The following DEAF1 variants were observed in gnomAD, a reference collection of about 807,000 sequenced individuals.
DEAF1 encodes the protein DEAF1 transcription factor, also known as deformed epidermal autoregulatory factor 1 homolog.
In DEAF1, 53 loss-of-function variants were observed where a neutral mutation model predicts 58.9. The ratio of observed to expected loss-of-function variants is 0.90; its 90% CI spans 0.72 to 1.13. The LOEUF (loss-of-function observed/expected upper bound fraction) is 1.13. DEAF1 is among the 50% of genes most tolerant of loss of function. The probability of loss-of-function intolerance (pLI) is 0.00; values close to 1 mark genes in which losing one functional copy is unlikely to be tolerated. For missense variants in DEAF1, 685 were observed against 791.4 expected (o/e 0.87, Z 1.61); for synonymous variants, 385 against 340.4 (o/e 1.13, Z -1.44).
upstream of DEAF1, among the ~76,000 whole-genome samples, chr11:698,490 T>A (rs558690114): frequency 6.9e-4 from 105 of 152,220 alleles, 1 homozygote; most frequent in Non-Finnish European, 1.1e-3. Context: ...CATCTAGTCA[T>A]ATATGTGTGG....
chr11:658,301 T>C (rs980606145), intron 10 of DEAF1, among the ~76,000 whole-genome samples: 1 of 151,972 alleles, frequency 6.6e-6, no homozygotes, highest in Non-Finnish European at 1.5e-5. Context: ...TGTTGGCGGG[T>C]GCCTGTACTC....
At chr11:654,103 T>C in intron 10 of DEAF1, 52 bp from the exon 11 acceptor site, 12 of 1,515,784 alleles carry the variant, frequency 7.9e-6, no homozygotes, top group Non-Finnish European at 1.1e-5. Flanking sequence ...GGAGAGCCCC[T>C]GAGACACCGG....
chr11:698,429 C>T (rs1861297727), upstream of DEAF1, among the ~76,000 whole-genome samples: 1 of 152,212 alleles, frequency 6.6e-6, no homozygotes, highest in Non-Finnish European at 1.5e-5. Flanking sequence ...AAGCAAATGT[C>T]TCATCAATCA....
At chr11:689,723 C>A (rs1001926990) in intron 2 of DEAF1, 1 of 152,176 alleles carries the variant, frequency 6.6e-6, no homozygotes, top group African/African-American at 2.4e-5. Context: ...GAGTATTTTT[C>A]TTAGGAAGGG....
At chr11:694,548 G>GGGGCAGGTGTGCA (rs1295586016) in intron 1 of DEAF1, 22 of 392,992 alleles carry the variant, frequency 5.6e-5, no homozygotes, top group African/African-American at 1.7e-4. Flanking sequence ...CTAGTCACGT[G>GGGGCAGGTGTGCA]GGGCAGGTGT....
intron 6 of DEAF1, among the ~76,000 whole-genome samples, chr11:683,707 A>G (rs1001582464): frequency 6.6e-6 from 1 of 152,248 alleles, no homozygotes; most frequent in African/African-American, 2.4e-5. Context: ...CCTACGAATC[A>G]ACTTGGGAAA....
At position 659,482 on chromosome 11, in the gene DEAF1, T is replaced by C. The variant is rs1277126179; in HGVS notation, c.1504-5431A>G. ...GTTGGAGGCAGCCTGGTGGATCGTGTATCTTACAAGGAGTGCTTTCTTTAT... is the reference window on the plus strand; with the variant it reads ...GTTGGAGGCAGCCTGGTGGATCGTGCATCTTACAAGGAGTGCTTTCTTTAT... On this transcript the variant is annotated intron_variant, in intron 10 of 11. Transcript: ENST00000382409. Among the ~76,000 whole-genome samples the C allele has an allele frequency of 2.6e-5, 4 of 152,284 alleles. No homozygotes were observed. The East Asian group carries it at 7.7e-4, about 29-fold the overall frequency.
upstream of DEAF1, chr11:695,847 G>C: frequency 8.1e-7 from 1 of 1,229,772 alleles, no homozygotes; most frequent in Middle Eastern, 3.1e-4. Flanking sequence ...CCGCGGCGAG[G>C]TGAGCTCGGG....
chr11:662,614 T>C (rs962241229), intron 10 of DEAF1, among the ~76,000 whole-genome samples: 6 of 152,150 alleles, frequency 3.9e-5, no homozygotes, highest in African/African-American at 1.4e-4. Context: ...TTGAGGCCCC[T>C]CCTTGTAGGA....
chr11:665,932 C>T (rs1352683889), intron 10 of DEAF1: 1 of 152,270 alleles, frequency 6.6e-6, no homozygotes, highest in South Asian at 2.1e-4. Context: ...CACATAAACG[C>T]TCCCCACGTC....
At chr11:682,244 A>G (rs935141012) in intron 6 of DEAF1, among the ~76,000 whole-genome samples, 1 of 152,174 alleles carries the variant, frequency 6.6e-6, no homozygotes, top group Admixed American at 6.5e-5. Context: ...TGCCTGCTCC[A>G]TTACTTTCAA....
Position 690,477 on chromosome 11 carries a change from G to A in DEAF1, c.387+1024C>T, listed in dbSNP as rs1040473723. 1.7e-4 allele frequency among the ~76,000 whole-genome samples: 26 copies of A among 151,958 alleles called. 1 individual carries two copies. Among genetic ancestry groups the A allele is most frequent in the Non-Finnish European group, 7.4e-5 (5 of 67,974 alleles). On this transcript the variant is annotated intron_variant, in intron 2 of 11. Transcript: ENST00000382409. ...CTGTGCTTTCAGGCCGGGTGTGGTG[G>A]CTCACACCTATAATCCTTATAATCC...
chr11:674,680 C>A lies in DEAF1; in HGVS notation c.1359G>T (p.Trp453Cys). ...NGLELSEPRS[W>C]LYLEEMVNSL... ...AGTTGACCATCTCTTCTAGGTACAG[C>A]CAGCTCCGCGGCTCTGACAGCTCCA... Residue 453 changes from tryptophan (W) to cysteine (C), a missense_variant, in exon 10 of 12, where the codon TGG becomes TGT. Trp to Cys is a radical substitution (Grantham distance 215, BLOSUM62 -2). This residue lies in a region of DEAF1 where 343 missense variants were observed against 379.8 expected (regional missense o/e 0.90). Coordinates refer to ENST00000382409, the MANE Select transcript of DEAF1 (RefSeq NM_021008.4). The A allele has an allele frequency of 6.2e-7, 1 of 1,614,030 alleles. No individual in the cohort carries two copies. The highest frequency in any genetic ancestry group is 8.5e-7 in the Non-Finnish European group (1 of 1,180,042).
At chr11:653,315 TCG>T (rs1858877581) in intron 11 of DEAF1, among the ~76,000 whole-genome samples, 3 of 122,404 alleles carry the variant, frequency 2.5e-5, no homozygotes, top group South Asian at 2.9e-4. Context: ...AGTCTCTCTC[TCG>T]CGTGGCTCTG....
chr11:694,700 G>C (rs969326876), intron 1 of DEAF1, 59 bp downstream of exon 1: 2 of 1,264,902 alleles, frequency 1.6e-6, no homozygotes, highest in Non-Finnish European at 2.0e-6. Flanking sequence ...GTGCGGGGCA[G>C]GCGCGCGGGG....
intron 5 of DEAF1, among the ~76,000 whole-genome samples, 184 bp from the exon 6 acceptor site, chr11:685,147 C>T (rs1040976880): frequency 1.0e-4 from 15 of 143,078 alleles, no homozygotes; most frequent in South Asian, 4.4e-4. Context: ...TGCAGTGGCA[C>T]GTTCTCGGCT....
At chr11:696,312 C>T (rs767937438), upstream of DEAF1, among the ~76,000 whole-genome samples, 17 of 152,112 alleles carry the variant, frequency 1.1e-4, no homozygotes, top group Non-Finnish European at 2.1e-4. Context: ...GAGCCGCCTT[C>T]TGCTGTCTGT....
intron 1 of DEAF1, chr11:704,859 C>T (rs747258957): frequency 2.2e-5 from 8 of 363,708 alleles, no homozygotes; most frequent in Non-Finnish European, 3.2e-5. Context: ...TCCTCTCCAG[C>T]GCCTGTTTCC....
At position 688,308 on chromosome 11, in the gene DEAF1, C is replaced by T; in HGVS notation, c.517+23G>A. 1.2e-6 allele frequency: 2 copies of T among 1,610,758 alleles called. No homozygotes were observed. The highest frequency in any genetic ancestry group is 1.7e-6 in the Non-Finnish European group (2 of 1,178,310). On this transcript the variant is annotated intron_variant, in intron 3 of 11. Transcript: ENST00000382409. This position sits in a 1 kb window ranked among gnomAD's most constrained non-coding sequence, Gnocchi z 4.3. ...TTCTGAAACGTGTTTTGCCCGAGGCCTGGGGTGCAGGCACCGCTGTACCTG... is the reference window on the plus strand; with the variant it reads ...TTCTGAAACGTGTTTTGCCCGAGGCTTGGGGTGCAGGCACCGCTGTACCTG...
Sources: gnomAD v4.1 joint callset for allele counts (sites outside exome capture counted in the v4.1 genomes callset) on GRCh38, gnomAD v4.1.1 for gene constraint, gnomAD v4.1.1 regional missense constraint, Gnocchi (gnomAD v3.1) non-coding constraint, MANE v1.5 for transcripts, NCBI Gene and HGNC (gene_info 2026-07-23, HGNC 2026-07-21) for gene names.